Variants in HSD17B12 observed in about 807,000 individuals in gnomAD.
The protein encoded by HSD17B12 is hydroxysteroid 17-beta dehydrogenase 12, also known as very-long-chain 3-oxoacyl-CoA reductase.
HSD17B12 carries 32 observed loss-of-function variants against 39.3 expected under a neutral mutation model. That is an observed-to-expected ratio of 0.81 (90% CI 0.61 to 1.09). HSD17B12 has a LOEUF of 1.09. Among genes scored for constraint, HSD17B12 ranks in the 50% least tolerant of loss-of-function variants. The pLI is 0.00. For missense variants in HSD17B12, 342 were observed against 382.9 expected, an observed-to-expected ratio of 0.89 and a Z score of 0.89; for synonymous variants, 150 against 146.7, an observed-to-expected ratio of 1.02 and a Z score of -0.16.
chr11:43,746,376 T>C (rs948118724), intron 1 of HSD17B12, among the ~76,000 whole-genome samples: 11 of 152,352 alleles, frequency 7.2e-5, no homozygotes, highest in Admixed American at 7.2e-4. Flanking sequence ...ATTTTTTACT[T>C]TTTAAGCTTT....
At chr11:43,834,478 C>G (rs1458135462) in intron 7 of HSD17B12, among the ~76,000 whole-genome samples, 1 of 152,006 alleles carries the variant, frequency 6.6e-6, no homozygotes, top group African/African-American at 2.4e-5. Context: ...CAGCAGGTCT[C>G]TCTTCCCACC....
At chr11:43,726,975 A>C (rs1433365767) in intron 1 of HSD17B12, among the ~76,000 whole-genome samples, 1 of 152,244 alleles carries the variant, frequency 6.6e-6, no homozygotes, top group Non-Finnish European at 1.5e-5. Context: ...AGTTTGCTTT[A>C]CATAATAATT....
At position 43,732,222 on chromosome 11, in the gene HSD17B12, G is replaced by A. The variant is rs554870464; in HGVS notation, c.161-18689G>A. Among the ~76,000 whole-genome samples, 20 of 152,188 alleles carry A rather than the reference G, an allele frequency of 1.3e-4. No individual in the cohort carries two copies. The East Asian group carries it at 2.3e-3, about 18-fold the overall frequency. Reference sequence around the variant, plus strand: ...ACCATGTGAAGAAGGATGTGTTTGCGTCCCTTTCTGCCATGATTGTAAATT... The same window carrying A: ...ACCATGTGAAGAAGGATGTGTTTGCATCCCTTTCTGCCATGATTGTAAATT... On this transcript the variant is annotated intron_variant, in intron 1 of 10. Coordinates refer to ENST00000278353, the MANE Select transcript of HSD17B12 (RefSeq NM_016142.3).
the HSD17B12 span, among the ~76,000 whole-genome samples, chr11:43,575,148 G>A: frequency 6.6e-6 from 1 of 152,202 alleles, no homozygotes; most frequent in African/African-American, 2.4e-5. The surrounding 1 kb of genome is among the most constrained non-coding windows in gnomAD (Gnocchi z 4.1). Flanking sequence ...TTAATTGCAG[G>A]CTTATTTGTT....
the HSD17B12 span, among the ~76,000 whole-genome samples, chr11:43,576,055 C>G: frequency 1.4e-4 from 21 of 152,124 alleles, 1 homozygote; most frequent in Admixed American, 1.3e-4. Flanking sequence ...GCTATGCCCC[C>G]CCACCCCCTA....
upstream of HSD17B12, chr11:43,680,501 G>C: frequency 2.7e-6 from 1 of 369,372 alleles, no homozygotes; most frequent in Non-Finnish European, 5.0e-6. Flanking sequence ...GCAGTCGCGA[G>C]TACGGCTGCA....
At chr11:43,583,321 G>A in the HSD17B12 span, among the ~76,000 whole-genome samples, 3 of 152,332 alleles carry the variant, frequency 2.0e-5, no homozygotes, top group African/African-American at 7.2e-5. Context: ...GGCGTCGTGC[G>A]GCACCGGAGC....
intron 4 of HSD17B12, among the ~76,000 whole-genome samples, chr11:43,803,398 A>G (rs993180703): frequency 1.3e-5 from 2 of 152,202 alleles, no homozygotes; most frequent in Non-Finnish European, 2.9e-5. Context: ...TCTCACTTTT[A>G]TAACATTCTC....
chr11:43,809,957 A>G (rs1307046964), intron 4 of HSD17B12, among the ~76,000 whole-genome samples: 3 of 152,222 alleles, frequency 2.0e-5, no homozygotes, highest in Non-Finnish European at 4.4e-5. Flanking sequence ...TGAGAAGGAA[A>G]CAGGAGGGGT....
At chr11:43,661,107 A>G in the HSD17B12 span, among the ~76,000 whole-genome samples, 3 of 152,208 alleles carry the variant, frequency 2.0e-5, no homozygotes, top group African/African-American at 7.2e-5. Context: ...CCTGGGCAAC[A>G]GAGCAAAACT....
chr11:43,678,672 C>T (rs1390548803), upstream of HSD17B12, among the ~76,000 whole-genome samples: 5 of 152,280 alleles, frequency 3.3e-5, no homozygotes, highest in East Asian at 9.6e-4. Flanking sequence ...GTTTTCCCAG[C>T]ACCATTTATT....
chr11:43,758,579 A>G (rs1034521835), intron 3 of HSD17B12, among the ~76,000 whole-genome samples: 1 of 152,210 alleles, frequency 6.6e-6, no homozygotes, highest in African/African-American at 2.4e-5. Flanking sequence ...CTCCATGGCT[A>G]TAAAACATAA....
At chr11:43,838,212 A>C (rs1480415714) in intron 7 of HSD17B12, 105 bp from the exon 8 acceptor site, 2 of 800,482 alleles carry the variant, frequency 2.5e-6, no homozygotes, top group Non-Finnish European at 4.4e-6. Flanking sequence ...GTAGAAAAAC[A>C]GCTACATTAT....
chr11:43,741,322 C>T (rs1394135639), intron 1 of HSD17B12, among the ~76,000 whole-genome samples: 1 of 152,062 alleles, frequency 6.6e-6, no homozygotes, highest in Non-Finnish European at 1.5e-5. Context: ...GAAAAAATTT[C>T]AGTTTTAAGA....
intron 4 of HSD17B12, among the ~76,000 whole-genome samples, chr11:43,804,885 C>T (rs1407885396): frequency 6.6e-6 from 1 of 152,124 alleles, no homozygotes; most frequent in Non-Finnish European, 1.5e-5. Context: ...TTATTAGCTA[C>T]TTGGGGAAAG....
chr11:43,605,342 G>A, the HSD17B12 span, among the ~76,000 whole-genome samples: 2 of 151,830 alleles, frequency 1.3e-5, no homozygotes, highest in South Asian at 2.1e-4. Context: ...TGGGTGGATC[G>A]CCTGAGGTCA....
At chr11:43,579,110 TG>T in the HSD17B12 span, 1 of 58,236 alleles carries the variant, frequency 1.7e-5, no homozygotes, top group African/African-American at 6.5e-5. Context: ...GGGACGGGGG[TG>T]GGGGGGAAGA....
chr11:43,838,387 T>C lies in HSD17B12; in HGVS notation c.607T>C (p.Ser203Pro). ...MLPVPLLTIY[S>P]ATKTFVDFFS... ...CCCTGTCCCACTCTTGACCATCTATTCTGCAACCAAGGTAAAAAATATTTT... is the reference window on the plus strand; with the variant it reads ...CCCTGTCCCACTCTTGACCATCTATCCTGCAACCAAGGTAAAAAATATTTT... Residue 203 changes from serine (S) to proline (P), a missense_variant, in exon 8 of 11, where the codon TCT becomes CCT. Transcript: ENST00000278353. 6.2e-7 allele frequency: 1 copy of C among 1,611,008 alleles called. No homozygotes were observed. Among genetic ancestry groups the C allele is most frequent in the Non-Finnish European group, 8.5e-7 (1 of 1,177,322 alleles).
chr11:43,589,963 C>T, the HSD17B12 span, among the ~76,000 whole-genome samples: 12 of 152,298 alleles, frequency 7.9e-5, no homozygotes, highest in African/African-American at 1.7e-4. Flanking sequence ...ATGAAATGAG[C>T]TGTCAGTAAA....
Sources: allele counts gnomAD v4.1 joint callset (sites outside exome capture counted in the v4.1 genomes callset), GRCh38; gene constraint gnomAD v4.1.1; non-coding constraint Gnocchi (gnomAD v3.1); transcripts MANE v1.5; gene names NCBI Gene and HGNC (gene_info 2026-07-23, HGNC 2026-07-21).